NRAS: variants seen among roughly 807,000 people sequenced by gnomAD.
NRAS encodes NRAS proto-oncogene, GTPase, also known as GTPase NRas.
Under a neutral mutation model 21.3 loss-of-function variants are expected in NRAS, and 6 were observed. That is an observed-to-expected ratio of 0.28 (90% CI 0.15 to 0.56). The LOEUF (loss-of-function observed/expected upper bound fraction) is 0.56, where lower values mean the gene tolerates loss of function less well. Ranked by LOEUF, NRAS falls within the 20% of genes least tolerant of loss-of-function variation. The pLI is 0.93. For missense variants in NRAS, 143 were observed against 231.3 expected, an observed-to-expected ratio of 0.62 and a Z score of 2.48; for synonymous variants, 84 against 82.0, an observed-to-expected ratio of 1.02 and a Z score of -0.13.
Position 114,709,677 on chromosome 1 carries a change from C to T in NRAS, c.342G>A (p.Val114=), listed in dbSNP as rs2101738875. The change falls in exon 4 of 7, where the codon GTG becomes GTA. Residue 114 remains valine (V), a synonymous_variant. Coordinates refer to ENST00000369535, the MANE Select transcript of NRAS (RefSeq NM_002524.5). ...TTGTTGGCAAATCACACTTGTTTCC[C>T]ACTAGCACCATAGGTACATCATCCG... ...KDSDDVPMVL[V]GNKCDLPTRT... The T allele has an allele frequency of 6.2e-7, 1 of 1,613,668 alleles. No individual in the cohort carries two copies. The highest frequency in any genetic ancestry group is 1.6e-4 in the Middle Eastern group (1 of 6,062).
Position 114,709,563 on chromosome 1 carries a change from C to T in NRAS, c.450+6G>A, listed in dbSNP as rs1658995392. 2.5e-6 allele frequency: 4 copies of T among 1,613,122 alleles called. No individual in the cohort carries two copies. The highest frequency in any genetic ancestry group is 3.4e-6 in the Non-Finnish European group (4 of 1,179,088). ...TCTTGCACAAATGCTGAAAGCTGTA[C>T]CATACCTGTCTGGTCTTGGCTGAGG... On this transcript the variant is annotated splice_donor_region_variant and intron_variant, in intron 4 of 6. Coordinates refer to ENST00000369535, the MANE Select transcript of NRAS (RefSeq NM_002524.5).
At position 114,708,165 on chromosome 1, in the gene NRAS, C is replaced by T. The variant is rs968198856; in HGVS notation, c.*32G>A. ...CAAACTTGTCCTACCTTGAAAGTGG[C>T]TCTTTTCTGACAAAACTTTAAAAGT... is the stretch of plus-strand genomic sequence containing the variant. On this transcript the variant is annotated 3_prime_UTR_variant, in exon 6 of 7. Transcript: ENST00000369535. 9 of 229,006 alleles carry T rather than the reference C, an allele frequency of 3.9e-5. No individual in the cohort carries two copies. Among genetic ancestry groups the T allele is most frequent in the Non-Finnish European group, 6.1e-5 (7 of 115,538 alleles). The allele number at this position is 229,006 out of a possible 1,614,324, so 14.2% of individuals were successfully genotyped here.
In NRAS at chr1:114,715,985, AT is replaced by A. The variant is rs1659154758; in HGVS notation, c.111+64del. On this transcript the variant is annotated intron_variant, in intron 2 of 6. Coordinates refer to ENST00000369535, the MANE Select transcript of NRAS (RefSeq NM_002524.5). The stretch of plus-strand genomic sequence containing the variant: ...TCCTCTTATTCCTTTAATACAGAAT[AT>A]GGGTAAAGATGATCCGACAAGTGAG... 7 of 978,844 alleles carry A rather than the reference AT, an allele frequency of 7.2e-6. No homozygotes were observed. In the East Asian group the frequency reaches 1.4e-4, roughly 20 times the overall value. The allele number at this position is 978,844 out of a possible 1,614,324, so 60.6% of individuals were successfully genotyped here.
Position 114,705,485 on chromosome 1 carries a change from GAGA to G in NRAS, c.*2606_*2608del, listed in dbSNP as rs1366857418. On this transcript the variant is annotated 3_prime_UTR_variant, in exon 7 of 7. Coordinates refer to ENST00000369535, the MANE Select transcript of NRAS (RefSeq NM_002524.5). ...TGGCCAGGCACTTAATTTGGGGAAA[GAGA>G]AGGATTTTGAGGTAAACTAGAATTC... is the stretch of plus-strand genomic sequence containing the variant. 3 of 152,232 alleles carry G rather than the reference GAGA, an allele frequency of 2.0e-5. No homozygotes were observed. The highest frequency in any genetic ancestry group is 4.8e-5 in the African/African-American group (2 of 41,468). The allele number at this position is 152,232 out of a possible 1,614,324, so 9.4% of individuals were successfully genotyped here. A position where few individuals can be genotyped will look rare whatever the true frequency, so the allele number is the denominator to read the frequency against.
rs769226183 is a variant in NRAS at position 114,716,116 on chromosome 1, C to T, written c.45G>A (p.Gly15=). The change falls in exon 2 of 7, where the codon GGG becomes GGA. Residue 15 remains glycine (G), a synonymous_variant. Coordinates refer to ENST00000369535, the MANE Select transcript of NRAS (RefSeq NM_002524.5). ...TTAGCTGGATTGTCAGTGCGCTTTT[C>T]CCAACACCACCTGCTCCAACCACCA... ...KLVVVGAGGV[G]KSALTIQLIQ... 1 of 1,614,016 alleles carries T rather than the reference C, an allele frequency of 6.2e-7. No homozygotes were observed. Among genetic ancestry groups the T allele is most frequent in the Non-Finnish European group, 8.5e-7 (1 of 1,179,930 alleles).
rs370529185 is a variant in NRAS at position 114,708,520 on chromosome 1, C to T, written c.*4+11G>A. Reference sequence around the variant, plus strand: ...AAGATTTGTAATTATGCCAAGAAACCATATGCTCACCTTGTTACATCACCA... The same window carrying T: ...AAGATTTGTAATTATGCCAAGAAACTATATGCTCACCTTGTTACATCACCA... On this transcript the variant is annotated intron_variant, in intron 5 of 6. Coordinates refer to ENST00000369535, the MANE Select transcript of NRAS (RefSeq NM_002524.5). The T allele has an allele frequency of 6.8e-6, 11 of 1,613,154 alleles. No individual in the cohort carries two copies. The highest frequency in any genetic ancestry group is 8.5e-7 in the Non-Finnish European group (1 of 1,179,254).
intron 2 of NRAS, among the ~76,000 whole-genome samples, chr1:114,715,180 C>G (rs1659128863): frequency 6.6e-6 from 1 of 152,056 alleles, no homozygotes; most frequent in South Asian, 2.1e-4. Flanking sequence ...GTGCCTGCCA[C>G]CACACCCAGC....
intron 1 of NRAS, 49 bp downstream of exon 1, chr1:114,716,609 T>C: frequency 9.5e-6 from 3 of 316,878 alleles, no homozygotes; most frequent in South Asian, 5.6e-5. Context: ...GTGAAACGCC[T>C]GAACATTCCA....
chr1:114,713,831 T>A lies in NRAS; in HGVS notation c.259A>T (p.Ser87Cys), dbSNP rs1659096732. Residue 87 changes from serine (S) to cysteine (C), a missense_variant, in exon 3 of 7, where the codon AGC becomes TGC. Ser to Cys is a moderately radical substitution (Grantham distance 112). Transcript: ENST00000369535. ...GFLCVFAINN[S>C]KSFADINLYR... Reference sequence around the variant, plus strand: ...AGGTTAATATCCGCAAATGACTTGCTATTATTGATGGCAAATACACAGAGG... The same window carrying A: ...AGGTTAATATCCGCAAATGACTTGCAATTATTGATGGCAAATACACAGAGG... The A allele has an allele frequency of 1.2e-6, 2 of 1,614,002 alleles. No homozygotes were observed. The highest frequency in any genetic ancestry group is 1.7e-6 in the Non-Finnish European group (2 of 1,179,956).
rs1035318283 is a variant in NRAS, at chr1:114,707,601, C to T, written c.*493G>A. 3 of 152,462 alleles carry T rather than the reference C, an allele frequency of 2.0e-5. No homozygotes were observed. Among genetic ancestry groups the T allele is most frequent in the African/African-American group, 7.2e-5 (3 of 41,386 alleles). 9.4% of individuals were successfully genotyped at this position (152,462 alleles called of 1,614,324 possible). On this transcript the variant is annotated 3_prime_UTR_variant, in exon 7 of 7. Coordinates refer to ENST00000369535, the MANE Select transcript of NRAS (RefSeq NM_002524.5). ...ATAACATTATAAACAAACCAAACAGCAATAATAACTATATTCTTGGCAAAA... is the reference window on the plus strand; with the variant it reads ...ATAACATTATAAACAAACCAAACAGTAATAATAACTATATTCTTGGCAAAA...
chr1:114,708,390 G>T, intron 5 of NRAS, 141 bp downstream of exon 5: 1 of 786,758 alleles, frequency 1.3e-6, no homozygotes, highest in Non-Finnish European at 2.3e-6. Flanking sequence ...AGTACTTTCA[G>T]AAAGGGTGTC....
rs1433972399 is a variant in NRAS, at chr1:114,716,119, A to G, written c.42T>C (p.Val14=). 1 of 1,614,012 alleles carries G rather than the reference A, an allele frequency of 6.2e-7. No homozygotes were observed. Among genetic ancestry groups the G allele is most frequent in the Non-Finnish European group, 8.5e-7 (1 of 1,179,940 alleles). The part of the protein sequence containing the change: ...YKLVVVGAGG[V]GKSALTIQLI... ...GCTGGATTGTCAGTGCGCTTTTCCC[A>G]ACACCACCTGCTCCAACCACCACCA... The change falls in exon 2 of 7, where the codon GTT becomes GTC. Residue 14 remains valine (V), a synonymous_variant. Coordinates refer to ENST00000369535, the MANE Select transcript of NRAS (RefSeq NM_002524.5).
At chr1:114,714,946 G>A (rs1659122296) in intron 2 of NRAS, among the ~76,000 whole-genome samples, 1 of 152,178 alleles carries the variant, frequency 6.6e-6, no homozygotes, top group Non-Finnish European at 1.5e-5. Context: ...CCAGATGGTA[G>A]GGAGGCCAGG....
At chr1:114,711,116 C>A (rs1659035091) in intron 3 of NRAS, among the ~76,000 whole-genome samples, 1 of 152,108 alleles carries the variant, frequency 6.6e-6, no homozygotes, top group Middle Eastern at 3.4e-3. Context: ...CCAGCCTGGG[C>A]AACATGGTGA....
intron 3 of NRAS, among the ~76,000 whole-genome samples, chr1:114,710,036 C>G (rs910864439): frequency 5.3e-5 from 8 of 151,322 alleles, no homozygotes; most frequent in Admixed American, 4.0e-4. Flanking sequence ...ACTAAAAATA[C>G]AAAAATTAGC....
chr1:114,716,096 T>C lies in NRAS; in HGVS notation c.65A>G (p.Gln22Arg), dbSNP rs1570877514. 6.2e-7 allele frequency: 1 copy of C among 1,614,120 alleles called. No individual in the cohort carries two copies. The highest frequency in any genetic ancestry group is 8.5e-7 in the Non-Finnish European group (1 of 1,179,960). ...ATCTACAAAGTGGTTCTGGATTAGC[T>C]GGATTGTCAGTGCGCTTTTCCCAAC... Reference protein sequence around the residue: ...GGVGKSALTIQLIQNHFVDEY... With the variant: ...GGVGKSALTIRLIQNHFVDEY... The change falls in exon 2 of 7, where the codon CAG (glutamine) becomes CGG (arginine). Residue 22 changes from glutamine to arginine, a missense_variant. By Grantham distance (43) the Gln-to-Arg change is conservative (BLOSUM62 1). Transcript: ENST00000369535.
In NRAS at chr1:114,704,472, T is replaced by C. The variant is rs1385609819; in HGVS notation, c.*3622A>G. 1.3e-5 allele frequency: 2 copies of C among 152,258 alleles called. No homozygotes were observed. The allele number at this position is 152,258 out of a possible 1,614,324, so 9.4% of individuals were successfully genotyped here. On this transcript the variant is annotated 3_prime_UTR_variant, in exon 7 of 7. Transcript: ENST00000369535. ...GGCACTTCAGTGAATATAAGAATTA[T>C]GACTAAGCCAAGAACTTCCAGTTTT...
intron 1 of NRAS, 107 bp from the exon 2 acceptor site, chr1:114,716,284 T>C (rs1255536138): frequency 1.3e-6 from 1 of 775,068 alleles, no homozygotes; most frequent in Non-Finnish European, 2.3e-6. Context: ...TTCCATTTGG[T>C]TCTTAAAGTG....
chr1:114,715,974 T>C, intron 2 of NRAS, 76 bp downstream of exon 2: 1 of 925,004 alleles, frequency 1.1e-6, no homozygotes, highest in Non-Finnish European at 1.8e-6. Flanking sequence ...CTTATTCCTT[T>C]AATACAGAAT....
Sources: allele counts gnomAD v4.1 joint callset (sites outside exome capture counted in the v4.1 genomes callset), GRCh38; gene constraint gnomAD v4.1.1; transcripts MANE v1.5; gene names NCBI Gene and HGNC (gene_info 2026-07-23, HGNC 2026-07-21).